PREP: variants seen among roughly 807,000 people sequenced by gnomAD.
The protein encoded by PREP is dJ355L5.1 (prolyl endopeptidase).
PREP carries 29 observed loss-of-function variants against 87.6 expected under a neutral mutation model. The observed-to-expected ratio is 0.33, with a 90% CI of 0.25 to 0.45. PREP has a LOEUF of 0.45. Ranked by LOEUF, PREP falls within the 20% of genes least tolerant of loss-of-function variation. The probability of loss-of-function intolerance (pLI) is 1.00; values close to 1 mark genes in which losing one functional copy is unlikely to be tolerated. For synonymous variants in PREP, 337 were observed against 328.6 expected (o/e 1.03, Z -0.28); for missense variants, 695 against 886.5 (o/e 0.78, Z 2.74).
At chr6:105,284,977 T>C (rs534305933) in intron 12 of PREP, among the ~76,000 whole-genome samples, 21 of 152,314 alleles carry the variant, frequency 1.4e-4, no homozygotes, top group Admixed American at 4.6e-4. Context: ...GCTAGGAGGA[T>C]GAGATTCCTC....
intron 13 of PREP, 112 bp from the exon 14 acceptor site, chr6:105,282,014 C>T (rs1583033353): frequency 7.6e-7 from 1 of 1,308,004 alleles, no homozygotes; most frequent in Non-Finnish European, 1.0e-6. Context: ...TGCATTTATC[C>T]AGAGCACAAG....
chr6:105,332,523 T>A (rs1257460224), intron 8 of PREP, among the ~76,000 whole-genome samples: 2 of 152,164 alleles, frequency 1.3e-5, no homozygotes, highest in Non-Finnish European at 2.9e-5. Flanking sequence ...ATATACCATA[T>A]ATTTTGCATT....
intron 10 of PREP, among the ~76,000 whole-genome samples, chr6:105,308,685 T>C (rs1770699322): frequency 2.0e-5 from 3 of 152,104 alleles, no homozygotes; most frequent in Admixed American, 2.0e-4. Context: ...TTCACTTTTA[T>C]AGGTTTCTGG....
At chr6:105,342,965 A>G (rs1378735049) in intron 7 of PREP, among the ~76,000 whole-genome samples, 1 of 152,232 alleles carries the variant, frequency 6.6e-6, no homozygotes, top group African/African-American at 2.4e-5. Flanking sequence ...GGTAATTTAT[A>G]GATTCAATGC....
intron 3 of PREP, 121 bp from the exon 4 acceptor site, chr6:105,376,376 G>A: frequency 8.7e-7 from 1 of 1,152,338 alleles, no homozygotes; most frequent in Non-Finnish European, 1.2e-6. Context: ...ACTGTAATCT[G>A]GCCATCGCAG....
intron 7 of PREP, among the ~76,000 whole-genome samples, chr6:105,352,451 T>A (rs557347116): frequency 6.6e-6 from 1 of 152,214 alleles, no homozygotes; most frequent in Admixed American, 6.5e-5. Flanking sequence ...ACTCTACTGA[T>A]TACGTTAATC....
intron 2 of PREP, among the ~76,000 whole-genome samples, chr6:105,389,304 T>C (rs534362439): frequency 2.6e-5 from 4 of 152,294 alleles, no homozygotes; most frequent in African/African-American, 7.2e-5. Context: ...AGAAAATGAA[T>C]ACTAGATCAG....
intron 2 of PREP, among the ~76,000 whole-genome samples, chr6:105,379,272 A>C (rs186162434): frequency 1.3e-5 from 2 of 152,312 alleles, no homozygotes; most frequent in Admixed American, 1.3e-4. Flanking sequence ...GAGGGGAAAA[A>C]CCAACAGAGA....
intron 8 of PREP, among the ~76,000 whole-genome samples, chr6:105,332,518 CCATAT>C (rs1771362556): frequency 6.6e-6 from 1 of 152,066 alleles, no homozygotes; most frequent in African/African-American, 2.4e-5. Context: ...TCATTATATA[CCATAT>C]ATTTTGCATT....
chr6:105,314,104 A>G (rs182332943), intron 10 of PREP, among the ~76,000 whole-genome samples: 23 of 152,380 alleles, frequency 1.5e-4, no homozygotes, highest in Non-Finnish European at 3.2e-4. Context: ...TGTACAAAGC[A>G]ATAGCATTAT....
chr6:105,336,336 T>A (rs1771477293), intron 7 of PREP, among the ~76,000 whole-genome samples: 1 of 152,236 alleles, frequency 6.6e-6, no homozygotes, highest in Non-Finnish European at 1.5e-5. Flanking sequence ...TGGGTGTCAA[T>A]ATGCTAAACA....
At chr6:105,376,948 A>T (rs2114712999) in intron 3 of PREP, among the ~76,000 whole-genome samples, 1 of 152,354 alleles carries the variant, frequency 6.6e-6, no homozygotes, top group East Asian at 1.9e-4. Flanking sequence ...TCAAGAAAAC[A>T]TCTGTAAGTG....
At chr6:105,331,167 C>G (rs545983952) in intron 8 of PREP, among the ~76,000 whole-genome samples, 1 of 152,142 alleles carries the variant, frequency 6.6e-6, no homozygotes, top group Non-Finnish European at 1.5e-5. Flanking sequence ...CTCAATAGGG[C>G]GCTCTGTGCT....
chr6:105,297,061 G>A (rs1245109287), intron 10 of PREP, among the ~76,000 whole-genome samples: 1 of 152,152 alleles, frequency 6.6e-6, no homozygotes, highest in Non-Finnish European at 1.5e-5. Context: ...CCAAATCAAC[G>A]TGCCCAGACA....
chr6:105,309,008 C>T (rs1026260349), intron 10 of PREP, among the ~76,000 whole-genome samples: 1 of 151,890 alleles, frequency 6.6e-6, no homozygotes, highest in Non-Finnish European at 1.5e-5. Context: ...GCAGTCCAGG[C>T]AGAGGGGAGG....
At chr6:105,315,186 CAA>C (rs893063793) in intron 10 of PREP, among the ~76,000 whole-genome samples, 1 of 152,104 alleles carries the variant, frequency 6.6e-6, no homozygotes, top group African/African-American at 2.4e-5. Flanking sequence ...GTTGAAGAGA[CAA>C]AGTCTTGCTC....
chr6:105,363,522 T>C (rs1337897989), intron 6 of PREP, among the ~76,000 whole-genome samples: 1 of 152,138 alleles, frequency 6.6e-6, no homozygotes, highest in Non-Finnish European at 1.5e-5. Flanking sequence ...ATGGCAGCTG[T>C]TTCATGTTAC....
At chr6:105,326,164 T>G (rs1282089932) in intron 9 of PREP, among the ~76,000 whole-genome samples, 1 of 152,216 alleles carries the variant, frequency 6.6e-6, no homozygotes, top group Non-Finnish European at 1.5e-5. Flanking sequence ...AAGTTTTGCC[T>G]TTCCCTGATA....
At chr6:105,354,325 A>G (rs1459572129) in intron 6 of PREP, among the ~76,000 whole-genome samples, 3 of 152,216 alleles carry the variant, frequency 2.0e-5, no homozygotes, top group African/African-American at 7.2e-5. Flanking sequence ...CAGTGGTAGG[A>G]CATGCACATA....
Sources: gnomAD v4.1 joint callset for allele counts (sites outside exome capture counted in the v4.1 genomes callset) on GRCh38, gnomAD v4.1.1 for gene constraint, MANE v1.5 for transcripts, NCBI Gene and HGNC (gene_info 2026-07-23, HGNC 2026-07-21) for gene names.